Variants in CPAMD8 observed in about 807,000 individuals in gnomAD.
The protein encoded by CPAMD8 is C3 and PZP like alpha-2-macroglobulin domain containing 8.
A neutral mutation model predicts 224.7 loss-of-function variants in CPAMD8; 146 were observed. The ratio of observed to expected loss-of-function variants is 0.65; its 90% confidence interval spans 0.57 to 0.75. The LOEUF (loss-of-function observed/expected upper bound fraction) is 0.75. CPAMD8 is among the 30% of genes least tolerant of loss of function. The pLI is 0.00. For synonymous variants in CPAMD8, 966 were observed against 1,044.6 expected (o/e 0.92, Z 1.45); for missense variants, 2,301 against 2,537.5 (o/e 0.91, Z 2.00).
chr19:16,901,441 ATCCTTGGCTCGG>A, intron 35 of CPAMD8, 144 bp from the exon 36 acceptor site: 2 of 671,402 alleles, frequency 3.0e-6, no homozygotes, highest in Non-Finnish European at 5.4e-6. Context: ...CAGCACACAC[ATCCTTGGCTCGG>A]TCAACTCAGT....
At position 17,026,538 on chromosome 19, in the gene CPAMD8, G is replaced by A; in HGVS notation, c.92+13C>T. 7.4e-6 allele frequency: 11 copies of A among 1,495,866 alleles called. No individual in the cohort carries two copies. Among genetic ancestry groups the A allele is most frequent in the Admixed American group, 2.3e-5 (1 of 43,666 alleles). 92.7% of individuals were successfully genotyped at this position (1,495,866 alleles called of 1,614,324 possible). On this transcript the variant is annotated intron_variant, in intron 1 of 41. Coordinates refer to ENST00000443236, the MANE Select transcript of CPAMD8 (RefSeq NM_015692.5). ...AAGGCGACCGACCTCCTCTGTCGCC[G>A]GAGGATACTCACGGGGCCTGAGGCT...
intron 7 of CPAMD8, among the ~76,000 whole-genome samples, chr19:17,006,734 C>T (rs964243645): frequency 2.0e-5 from 3 of 152,048 alleles, no homozygotes; most frequent in African/African-American, 7.2e-5. Context: ...GCCTGGCTGT[C>T]CCCCGTTCCT....
rs760320969 is a variant in CPAMD8, at chr19:16,903,861, G to C, written c.4252-4C>G. The C allele has an allele frequency of 6.2e-7, 1 of 1,612,844 alleles. No homozygotes were observed. The highest frequency in any genetic ancestry group is 8.5e-7 in the Non-Finnish European group (1 of 1,179,810). ...CCTGCAGAGCCACGCAGGTGTCCTGGGGATGGAGGAGGAGACGGCCATCAA... is the reference window on the plus strand; with the variant it reads ...CCTGCAGAGCCACGCAGGTGTCCTGCGGATGGAGGAGGAGACGGCCATCAA... On this transcript the variant is annotated splice_polypyrimidine_tract_variant and splice_region_variant and intron_variant, in intron 32 of 41. Transcript: ENST00000443236.
intron 22 of CPAMD8, among the ~76,000 whole-genome samples, chr19:16,939,807 C>G (rs2053823913): frequency 6.6e-6 from 1 of 152,170 alleles, no homozygotes; most frequent in African/African-American, 2.4e-5. Flanking sequence ...GGGCTGGAAT[C>G]TACACCATTG....
chr19:17,009,349 A>C, intron 5 of CPAMD8, 29 bp from the exon 6 acceptor site: 1 of 1,614,038 alleles, frequency 6.2e-7, no homozygotes, highest in Non-Finnish European at 8.5e-7. Context: ...TGCAGTGAGC[A>C]AATCTTCCAG....
At chr19:16,973,897 T>C (rs2055158376) in intron 17 of CPAMD8, among the ~76,000 whole-genome samples, 1 of 147,576 alleles carries the variant, frequency 6.8e-6, no homozygotes, top group Non-Finnish European at 1.5e-5. Context: ...TGATGTGATC[T>C]CTGCTCACTG....
intron 18 of CPAMD8, 39 bp downstream of exon 18, chr19:16,970,852 C>G: frequency 6.2e-7 from 1 of 1,602,120 alleles, no homozygotes; most frequent in African/African-American, 1.3e-5. Context: ...GTTAATAGGA[C>G]CAGGGTTAGA....
rs760051432 is a variant in CPAMD8, at chr19:16,952,125, G to A, written c.2352C>T (p.Ala784=). 28 of 1,552,800 alleles carry A rather than the reference G, an allele frequency of 1.8e-5. No individual in the cohort carries two copies. The South Asian group carries it at 3.1e-4, about 17-fold the overall frequency. The part of the protein sequence containing the change: ...SITSWVGEAV[A]LSTSQGLGIA... ...TGCCTAAGCCCTGAGAGGTGGACAG[G>A]GCCACGGCCTCACCCACCCAGCTGG... Residue 784 remains alanine (A), a synonymous_variant, in exon 20 of 42, where the codon GCC becomes GCT. Coordinates refer to ENST00000443236, the MANE Select transcript of CPAMD8 (RefSeq NM_015692.5).
At chr19:16,928,364 C>T (rs569939817) in intron 24 of CPAMD8, 130 bp from the exon 25 acceptor site, 46 of 673,380 alleles carry the variant, frequency 6.8e-5, no homozygotes, top group South Asian at 6.3e-4. Flanking sequence ...GAAGGGTCTT[C>T]GGGGAGTCAG....
chr19:16,975,540 C>T (rs1235534110), intron 16 of CPAMD8, among the ~76,000 whole-genome samples: 1 of 152,028 alleles, frequency 6.6e-6, no homozygotes, highest in Non-Finnish European at 1.5e-5. Context: ...GACCCCGCCC[C>T]TACAAAAGAT....
At chr19:16,948,799 AAG>A (rs1305769191) in intron 20 of CPAMD8, among the ~76,000 whole-genome samples, 3 of 128,196 alleles carry the variant, frequency 2.3e-5, no homozygotes, top group African/African-American at 5.9e-5. Context: ...AAGGGAGGGG[AAG>A]AGAGGGGAAG....
At chr19:16,964,604 C>T (rs1036494473) in intron 18 of CPAMD8, among the ~76,000 whole-genome samples, 4 of 152,090 alleles carry the variant, frequency 2.6e-5, no homozygotes, top group African/African-American at 7.2e-5. Flanking sequence ...TGAATTCCAC[C>T]AGAAGTACAA....
At chr19:16,992,377 T>G (rs74182296) in intron 12 of CPAMD8, among the ~76,000 whole-genome samples, 36,440 of 152,036 alleles carry the variant, frequency 0.24, 4,767 homozygotes, top group African/African-American at 0.35. Context: ...ATGGCTTGAG[T>G]CCAGGAGTTT....
chr19:16,921,084 G>A (rs1012537469), intron 27 of CPAMD8, among the ~76,000 whole-genome samples: 1 of 152,088 alleles, frequency 6.6e-6, no homozygotes. Context: ...GGACAGTGTG[G>A]ATGAGCTCCT....
chr19:17,002,164 G>T, intron 9 of CPAMD8, 102 bp downstream of exon 9: 1 of 748,410 alleles, frequency 1.3e-6, no homozygotes, highest in African/African-American at 1.7e-5. Context: ...ATGTGGGAGG[G>T]AGGGAGGCAG....
rs754569481 is a variant in CPAMD8, at chr19:16,903,550, C to CA, written c.4470+10dup. The CA allele has an allele frequency of 7.4e-6, 12 of 1,614,084 alleles. No homozygotes were observed. The highest frequency in any genetic ancestry group is 3.3e-5 in the Admixed American group (2 of 60,010). On this transcript the variant is annotated intron_variant, in intron 34 of 41. Transcript: ENST00000443236. The stretch of plus-strand genomic sequence containing the variant: ...AAGCCCAAGATCACCTCGTGCTCCC[C>CA]AAAACCTCACCTGCATCAGGCAGCA...
At chr19:16,967,473 T>C (rs886313542) in intron 18 of CPAMD8, among the ~76,000 whole-genome samples, 17 of 151,970 alleles carry the variant, frequency 1.1e-4, no homozygotes, top group Non-Finnish European at 1.8e-4. Context: ...ACCCTAGAAC[T>C]TAAAGTATAA....
intron 18 of CPAMD8, among the ~76,000 whole-genome samples, chr19:16,964,977 C>A (rs1426323938): frequency 6.6e-6 from 1 of 151,916 alleles, no homozygotes; most frequent in Non-Finnish European, 1.5e-5. Flanking sequence ...AAAAGGTCTT[C>A]GGGCTGGGCA....
intron 3 of CPAMD8, among the ~76,000 whole-genome samples, chr19:17,019,565 A>G (rs2056898861): frequency 6.7e-6 from 1 of 148,166 alleles, no homozygotes; most frequent in Non-Finnish European, 1.5e-5. Context: ...TTATTCTCTC[A>G]TTTTTTTTTA....
Sources: allele counts gnomAD v4.1 joint callset (sites outside exome capture counted in the v4.1 genomes callset), GRCh38; gene constraint gnomAD v4.1.1; transcripts MANE v1.5; gene names NCBI Gene and HGNC (gene_info 2026-07-23, HGNC 2026-07-21).